Variants in SGCZ observed in about 807,000 individuals in gnomAD.
The protein encoded by SGCZ is zeta-sarcoglycan.
SGCZ carries 40 observed loss-of-function variants against 41.3 expected under a neutral mutation model. The observed-to-expected ratio is 0.97, with a 90% CI of 0.75 to 1.26. SGCZ has a LOEUF of 1.26. SGCZ is among the 50% of genes most tolerant of loss of function. The pLI is 0.00. For synonymous variants in SGCZ, 206 were observed against 137.5 expected (o/e 1.50, Z -3.49); for missense variants, 552 against 369.8 (o/e 1.49, Z -4.04).
At chr8:14,787,411 T>A (rs1800802964) in intron 1 of SGCZ, among the ~76,000 whole-genome samples, 1 of 152,030 alleles carries the variant, frequency 6.6e-6, no homozygotes, top group Admixed American at 6.6e-5. Context: ...TATGGTATAT[T>A]ATTAGTAATA....
chr8:15,015,736 T>A (rs1254949373), intron 1 of SGCZ, among the ~76,000 whole-genome samples: 4 of 119,320 alleles, frequency 3.4e-5, no homozygotes, highest in African/African-American at 1.3e-4. Context: ...CGTGTGTGTG[T>A]GTGTGTGTGT....
At position 14,293,800 on chromosome 8, in the gene SGCZ, T is replaced by G. The variant is rs118139962; in HGVS notation, c.336+30303A>C. ...AACTTTGTCCCTTTTTAGCAAAGAG[T>G]TGGTAAGATTATCCTCATCATTATC... On this transcript the variant is annotated intron_variant, in intron 3 of 7. Transcript: ENST00000382080. Among the ~76,000 whole-genome samples, 1,266 of 151,952 alleles carry G rather than the reference T, an allele frequency of 8.3e-3. 12 individuals are homozygous for G. The highest frequency in any genetic ancestry group is 0.014 in the Non-Finnish European group (950 of 67,822).
intron 3 of SGCZ, among the ~76,000 whole-genome samples, chr8:14,266,889 T>C (rs1223248914): frequency 6.6e-6 from 1 of 151,676 alleles, no homozygotes; most frequent in Non-Finnish European, 1.5e-5. Flanking sequence ...CAAAATGGAG[T>C]AGAGGAACTA....
chr8:14,489,507 G>A (rs770174967), intron 2 of SGCZ, among the ~76,000 whole-genome samples: 3 of 152,000 alleles, frequency 2.0e-5, no homozygotes, highest in Non-Finnish European at 2.9e-5. Flanking sequence ...GCATGTGCCT[G>A]TGGATGTAAA....
chr8:14,434,604 G>C (rs1800035555), intron 2 of SGCZ, among the ~76,000 whole-genome samples: 1 of 152,182 alleles, frequency 6.6e-6, no homozygotes, highest in African/African-American at 2.4e-5. Flanking sequence ...CATGAGAATA[G>C]GATGTGTTTC....
rs187231693 is a variant in SGCZ, at chr8:15,019,005, G to A, written c.39+218580C>T. ...GCAGGAGAGGAGATCAAAGCAGGAA[G>A]TGCTACACACTTTTAAACAACTAGA... On this transcript the variant is annotated intron_variant, in intron 1 of 7. Transcript: ENST00000382080. Among the ~76,000 whole-genome samples the A allele has an allele frequency of 1.7e-3, 266 of 152,278 alleles. 1 individual carries two copies. Among genetic ancestry groups the A allele is most frequent in the African/African-American group, 6.1e-3 (254 of 41,558 alleles).
chr8:14,556,810 C>CAT (rs1804047951), intron 1 of SGCZ, among the ~76,000 whole-genome samples: 1 of 151,944 alleles, frequency 6.6e-6, no homozygotes, highest in Non-Finnish European at 1.5e-5. Context: ...TTCCACTGTA[C>CAT]ATATATATAC....
At chr8:15,232,025 T>C (rs1312193840) in intron 1 of SGCZ, among the ~76,000 whole-genome samples, 1 of 152,210 alleles carries the variant, frequency 6.6e-6, no homozygotes, top group Non-Finnish European at 1.5e-5. Context: ...AACAAATAAA[T>C]GCACAAATCT....
chr8:14,740,185 C>T (rs372880940), intron 1 of SGCZ, among the ~76,000 whole-genome samples: 2 of 151,994 alleles, frequency 1.3e-5, no homozygotes, highest in East Asian at 1.9e-4. Context: ...TTTAATACAT[C>T]TCCTGGAAAA....
intron 1 of SGCZ, among the ~76,000 whole-genome samples, chr8:15,041,537 C>T (rs1804096481): frequency 6.6e-6 from 1 of 151,990 alleles, no homozygotes; most frequent in Admixed American, 6.6e-5. Flanking sequence ...TGGCTACATA[C>T]ACCTAGAAAG....
chr8:15,134,211 T>C (rs1454339866), intron 1 of SGCZ, among the ~76,000 whole-genome samples: 1 of 151,960 alleles, frequency 6.6e-6, no homozygotes, highest in Admixed American at 6.6e-5. Context: ...ATCATTATCA[T>C]ACCAGCTGGA....
At chr8:14,861,628 G>A (rs1028931656) in intron 1 of SGCZ, among the ~76,000 whole-genome samples, 1 of 152,054 alleles carries the variant, frequency 6.6e-6, no homozygotes, top group African/African-American at 2.4e-5. Context: ...ACCTGAGAGA[G>A]ATTCCGTAAA....
intron 1 of SGCZ, among the ~76,000 whole-genome samples, chr8:14,862,083 G>C (rs1247750719): frequency 6.6e-6 from 1 of 152,092 alleles, no homozygotes; most frequent in Non-Finnish European, 1.5e-5. Flanking sequence ...TAGCAAAATA[G>C]TATTTCCTAT....
chr8:14,995,330 C>T (rs528855668), intron 1 of SGCZ, among the ~76,000 whole-genome samples: 5 of 152,210 alleles, frequency 3.3e-5, no homozygotes, highest in African/African-American at 7.2e-5. Context: ...TCAAAGATGA[C>T]GGTGGAAAAG....
At chr8:14,845,158 G>C (rs867977024) in intron 1 of SGCZ, among the ~76,000 whole-genome samples, 5 of 152,286 alleles carry the variant, frequency 3.3e-5, no homozygotes, top group Middle Eastern at 6.8e-3. Context: ...ATGGTGCCCA[G>C]CACTCACACT....
chr8:14,810,137 C>G (rs1046826229), intron 1 of SGCZ, among the ~76,000 whole-genome samples: 1 of 151,792 alleles, frequency 6.6e-6, no homozygotes, highest in African/African-American at 2.4e-5. Flanking sequence ...GGATTAGAGA[C>G]TAAAAATGAG....
At chr8:14,835,322 C>G (rs548364589) in intron 1 of SGCZ, among the ~76,000 whole-genome samples, 10 of 152,284 alleles carry the variant, frequency 6.6e-5, no homozygotes, top group African/African-American at 2.4e-4. Context: ...TAATATTTTT[C>G]TGTAGTTATA....
At chr8:15,196,549 A>G (rs1800737599) in intron 1 of SGCZ, among the ~76,000 whole-genome samples, 1 of 136,208 alleles carries the variant, frequency 7.3e-6, no homozygotes. Context: ...GGGTGTTAAG[A>G]CTTGCCAAAG....
intron 1 of SGCZ, among the ~76,000 whole-genome samples, chr8:15,172,155 T>TTTTTTTTTTATTTATTTA (rs1563164653): frequency 3.4e-5 from 2 of 59,284 alleles, no homozygotes; most frequent in Non-Finnish European, 6.9e-5. Context: ...TTATACTCTG[T>TTTTTTTTTTATTTATTTA]TTTTTTTTTT....
Sources: gnomAD v4.1 joint callset for allele counts (sites outside exome capture counted in the v4.1 genomes callset) on GRCh38, gnomAD v4.1.1 for gene constraint, MANE v1.5 for transcripts, NCBI Gene and HGNC (gene_info 2026-07-23, HGNC 2026-07-21) for gene names.